Variants in WDR11 observed in about 807,000 individuals in gnomAD.
The protein encoded by WDR11 is WD repeat domain 11.
In WDR11, 83 loss-of-function variants were observed where a neutral mutation model predicts 151.2. That is an observed-to-expected ratio of 0.55 (90% CI 0.46 to 0.66). The LOEUF is 0.66. WDR11 is among the 30% of genes least tolerant of loss of function. WDR11 has a pLI of 0.00. For synonymous variants in WDR11, 484 were observed against 533.1 expected, an observed-to-expected ratio of 0.91 and a Z score of 1.27; for missense variants, 1,301 against 1,480.9, an observed-to-expected ratio of 0.88 and a Z score of 1.99.
chr10:120,860,415 C>A, intron 4 of WDR11, 133 bp downstream of exon 4: 1 of 1,019,124 alleles, frequency 9.8e-7, no homozygotes, highest in Admixed American at 2.1e-5. Context: ...AGAAGCATGT[C>A]TAGTCCATAT....
chr10:120,869,106 G>T (rs12245820), intron 9 of WDR11, among the ~76,000 whole-genome samples: 3,287 of 81,980 alleles, frequency 0.04, 188 homozygotes, highest in South Asian at 0.06. Flanking sequence ...TAAATTACAG[G>T]TTTTTTTTTT....
Position 120,889,352 on chromosome 10 carries a change from C to T in WDR11, c.2228+168C>T, listed in dbSNP as rs7093593. On this transcript the variant is annotated intron_variant, in intron 17 of 28. Coordinates refer to ENST00000263461, the MANE Select transcript of WDR11 (RefSeq NM_018117.12). ...TCCCGGGTTCATGCCATTCTCCTGC[C>T]TCAGCCACCCGAGTAGCTGGGACTA... 205,116 of 583,114 alleles carry T rather than the reference C, an allele frequency of 0.35. 36,852 individuals carry two copies. Among genetic ancestry groups the T allele is most frequent in the Admixed American group, 0.47 (18,045 of 38,406 alleles). The allele number at this position is 583,114 out of a possible 1,614,324, so 36.1% of individuals were successfully genotyped here. A position where few individuals can be genotyped will look rare whatever the true frequency, so the allele number is the denominator to read the frequency against.
At chr10:120,874,208 G>GT (rs774703656) in intron 11 of WDR11, among the ~76,000 whole-genome samples, 51 of 91,898 alleles carry the variant, frequency 5.5e-4, no homozygotes, top group Admixed American at 1.7e-3. Context: ...TGTTGTTGTT[G>GT]TTTGTTTTGT....
At chr10:120,908,037 AGG>A in intron 28 of WDR11, 5 of 165,124 alleles carry the variant, frequency 3.0e-5, no homozygotes, top group South Asian at 3.1e-4. Flanking sequence ...ATGCATTTTG[AGG>A]ATCAAAGCAT....
chr10:120,865,732 A>G lies in WDR11; in HGVS notation c.982A>G (p.Asn328Asp). The change falls in exon 7 of 29, where the codon AAT (asparagine) becomes GAT (aspartate). Residue 328 changes from asparagine to aspartate, a missense_variant. Around this residue, in one of 3 missense-constraint regions of WDR11, gnomAD observed 692 missense variants for 762.5 expected, o/e 0.91. Transcript: ENST00000263461. ...RSYNNIFTTSNEEPDPDPVQE... is the reference protein window; with the variant it reads ...RSYNNIFTTSDEEPDPDPVQE... ...TTATAATAACATTTTTACCACTTCA[A>G]ATGAGGAACCAGGTGAGTTTCTGTC... 1 of 1,599,222 alleles carries G rather than the reference A, an allele frequency of 6.3e-7. No individual in the cohort carries two copies. Among genetic ancestry groups the G allele is most frequent in the Non-Finnish European group, 8.6e-7 (1 of 1,168,622 alleles).
Position 120,858,784 on chromosome 10 carries a change from A to C in WDR11, c.340A>C (p.Lys114Gln). Residue 114 changes from lysine (K) to glutamine (Q), a missense_variant, in exon 3 of 29, where the codon AAG (lysine) becomes CAG (glutamine). By Grantham distance (53) the Lys-to-Gln change is moderately conservative. Coordinates refer to ENST00000263461, the MANE Select transcript of WDR11 (RefSeq NM_018117.12). ...TCAGTGTGAGATCCAAGAGCATGCC[A>C]AGCCTATCCAGGGTGAGGAAAGTCT... ...VAQCEIQEHA[K>Q]PIQDVQWLWN... The C allele has an allele frequency of 6.2e-7, 1 of 1,614,184 alleles. No individual in the cohort carries two copies. The highest frequency in any genetic ancestry group is 1.3e-5 in the African/African-American group (1 of 75,052).
intron 28 of WDR11, 58 bp downstream of exon 28, chr10:120,906,913 G>A (rs1848076333): frequency 6.2e-7 from 1 of 1,612,148 alleles, no homozygotes; most frequent in Non-Finnish European, 8.5e-7. Context: ...CATGGGTTTT[G>A]GAATTTCCCT....
chr10:120,899,210 G>A (rs1015486427), intron 19 of WDR11, among the ~76,000 whole-genome samples: 6 of 152,214 alleles, frequency 3.9e-5, no homozygotes, highest in Non-Finnish European at 7.4e-5. Context: ...AGGGCCTAGA[G>A]TCTAAGAAGA....
chr10:120,881,651 AT>A (rs1452302517), intron 13 of WDR11, among the ~76,000 whole-genome samples: 1 of 152,096 alleles, frequency 6.6e-6, no homozygotes, highest in Non-Finnish European at 1.5e-5. Flanking sequence ...ACATTTTTAA[AT>A]TTCAATTATT....
At chr10:120,889,778 G>C (rs1417137724) in intron 17 of WDR11, 117 bp from the exon 18 acceptor site, 1 of 770,506 alleles carries the variant, frequency 1.3e-6, no homozygotes, top group South Asian at 1.5e-5. Flanking sequence ...AGCAAGTAAA[G>C]GGTTCTCCCA....
chr10:120,854,863 T>C (rs1189134034), intron 2 of WDR11, among the ~76,000 whole-genome samples: 1 of 152,118 alleles, frequency 6.6e-6, no homozygotes, highest in East Asian at 1.9e-4. Flanking sequence ...TATAATTGAG[T>C]CGTAAGATTT....
intron 2 of WDR11, 70 bp downstream of exon 2, chr10:120,852,705 T>C: frequency 7.7e-7 from 1 of 1,292,916 alleles, no homozygotes; most frequent in Non-Finnish European, 1.1e-6. Flanking sequence ...ATCACTAAGC[T>C]CTCATTAAGT....
Position 120,858,639 on chromosome 10 carries a change from A to C in WDR11, c.199-4A>C, listed in dbSNP as rs1203057020. ...TTACTTGATCTGATTTCTTCTTGAT[A>C]CAGGTTAAATGGGCCAGGGAAAACT... On this transcript the variant is annotated splice_region_variant and splice_polypyrimidine_tract_variant and intron_variant, in intron 2 of 28. Transcript: ENST00000263461. 6.2e-7 allele frequency: 1 copy of C among 1,614,080 alleles called. No homozygotes were observed. Among genetic ancestry groups the C allele is most frequent in the African/African-American group, 1.3e-5 (1 of 74,930 alleles).
chr10:120,876,104 A>C lies in WDR11; in HGVS notation c.1556+2181A>C, dbSNP rs540180277. Reference sequence around the variant, plus strand: ...AGCAATTCTCCTGCCTCATCCTCCCAAGTAGCTGGGATTACAGGTGTATGC... The same window carrying C: ...AGCAATTCTCCTGCCTCATCCTCCCCAGTAGCTGGGATTACAGGTGTATGC... On this transcript the variant is annotated intron_variant, in intron 11 of 28. Transcript: ENST00000263461. Among the ~76,000 whole-genome samples the C allele has an allele frequency of 1.9e-3, 286 of 147,488 alleles. 1 individual carries two copies. The highest frequency in any genetic ancestry group is 7.1e-3 in the African/African-American group (282 of 39,960).
chr10:120,872,984 T>C (rs1846601495), intron 10 of WDR11, among the ~76,000 whole-genome samples: 2 of 152,188 alleles, frequency 1.3e-5, no homozygotes, highest in Non-Finnish European at 2.9e-5. Context: ...CCATATAGAC[T>C]GTTCACTTTT....
At chr10:120,887,656 C>T (rs948154253) in intron 16 of WDR11, among the ~76,000 whole-genome samples, 4 of 152,168 alleles carry the variant, frequency 2.6e-5, no homozygotes, top group African/African-American at 4.8e-5. Flanking sequence ...GGCTGCCTCA[C>T]AGGCTATTGC....
At chr10:120,862,680 A>G (rs1846182744) in intron 4 of WDR11, 55 bp from the exon 5 acceptor site, 3 of 1,560,178 alleles carry the variant, frequency 1.9e-6, no homozygotes, top group Non-Finnish European at 2.7e-6. Flanking sequence ...TTGGAATAAA[A>G]CTGTATGCTA....
chr10:120,883,712 T>C, intron 13 of WDR11, 68 bp from the exon 14 acceptor site: 1 of 1,367,314 alleles, frequency 7.3e-7, no homozygotes, highest in Non-Finnish European at 1.0e-6. Context: ...ACTGAACTTT[T>C]TATTTGCTCT....
chr10:120,861,748 T>G (rs1464162191), intron 4 of WDR11, among the ~76,000 whole-genome samples: 1 of 152,112 alleles, frequency 6.6e-6, no homozygotes. Context: ...GTAGTAAGGT[T>G]TTTCTGCTCA....
Sources: allele counts gnomAD v4.1 joint callset (sites outside exome capture counted in the v4.1 genomes callset), GRCh38; gene constraint gnomAD v4.1.1; regional missense constraint gnomAD v4.1.1; transcripts MANE v1.5; gene names NCBI Gene and HGNC (gene_info 2026-07-23, HGNC 2026-07-21).